CCDC32: variants seen among roughly 807,000 people sequenced by gnomAD.
CCDC32 encodes the protein coiled-coil domain containing 32.
CCDC32 carries 9 observed loss-of-function variants against 20.1 expected under a neutral mutation model. The observed-to-expected ratio is 0.45, with a 90% CI of 0.27 to 0.78. CCDC32 has a LOEUF of 0.78. CCDC32 is among the 30% of genes least tolerant of loss of function. The probability of loss-of-function intolerance (pLI) is 0.16; values close to 1 mark genes in which losing one functional copy is unlikely to be tolerated. For missense variants in CCDC32, 204 were observed against 215.5 expected, an observed-to-expected ratio of 0.95 and a Z score of 0.33; for synonymous variants, 63 against 79.0, an observed-to-expected ratio of 0.80 and a Z score of 1.07.
At chr15:40,557,671 A>C (rs1184970246) in intron 2 of CCDC32, 9 of 252,690 alleles carry the variant, frequency 3.6e-5, no homozygotes, top group Non-Finnish European at 6.1e-5. Context: ...TAAGCCCAGC[A>C]GGTATCTCTC....
downstream of CCDC32, among the ~76,000 whole-genome samples, chr15:40,548,416 A>C (rs1050576127): frequency 6.6e-6 from 1 of 152,212 alleles, no homozygotes; most frequent in Non-Finnish European, 1.5e-5. Context: ...TAAAATACTT[A>C]AAAATTAGCT....
the CCDC32 span, among the ~76,000 whole-genome samples, chr15:40,523,001 A>G: frequency 6.6e-6 from 1 of 151,082 alleles, no homozygotes; most frequent in Non-Finnish European, 1.5e-5. Context: ...TAATTTTTGT[A>G]TTTTTAGTAG....
intron 2 of CCDC32, among the ~76,000 whole-genome samples, chr15:40,559,339 C>A (rs75881058): frequency 1.3e-5 from 2 of 152,188 alleles, no homozygotes; most frequent in Admixed American, 6.5e-5. Context: ...CCTCCCACAT[C>A]GGCCTCTCAG....
At chr15:40,557,560 T>A in intron 2 of CCDC32, 188 bp from the exon 3 acceptor site, 1 of 543,126 alleles carries the variant, frequency 1.8e-6, no homozygotes, top group Non-Finnish European at 3.2e-6. Flanking sequence ...CTTCACAAAG[T>A]CCTCACCCTG....
chr15:40,538,952 A>G (rs2141607574), downstream of CCDC32: 2 of 448,500 alleles, frequency 4.5e-6, no homozygotes, highest in African/African-American at 2.0e-5. Flanking sequence ...TGCTTGCCAC[A>G]GGTGGGCTCA....
rs748729377 is a variant in CCDC32, at chr15:40,557,247, A to G, written c.370T>C (p.Phe124Leu). 1 of 1,613,824 alleles carries G rather than the reference A, an allele frequency of 6.2e-7. No homozygotes were observed. Among genetic ancestry groups the G allele is most frequent in the Non-Finnish European group, 8.5e-7 (1 of 1,179,934 alleles). ...RFLQEKLASE[F>L]FVDGLDSDES... is the part of the protein sequence containing the mutation. ...TCAGAATCAAGTCCATCCACAAAGA[A>G]CTCTGAAGCTAACTTCTCCTGGAGG... The change falls in exon 3 of 4, where the codon TTC (phenylalanine) becomes CTC (leucine). Residue 124 changes from phenylalanine to leucine, a missense_variant. By Grantham distance (22) the Phe-to-Leu change is conservative. Coordinates refer to ENST00000416810, the MANE Select transcript of CCDC32 (RefSeq NM_001080792.4).
chr15:40,530,291 CAAAAAAAAA>C (rs3068017), downstream of CCDC32, among the ~76,000 whole-genome samples: 2 of 99,562 alleles, frequency 2.0e-5, no homozygotes, highest in Non-Finnish European at 3.9e-5. Flanking sequence ...AACTACATCT[CAAAAAAAAA>C]AAAAAAAAAA....
chr15:40,551,059 G>A (rs890130028), downstream of CCDC32, among the ~76,000 whole-genome samples: 1 of 152,108 alleles, frequency 6.6e-6, no homozygotes, highest in South Asian at 2.1e-4. Flanking sequence ...CATGCAGGGA[G>A]AATAAAAATT....
chr15:40,533,537 A>T (rs4924480), downstream of CCDC32, among the ~76,000 whole-genome samples: 2 of 151,444 alleles, frequency 1.3e-5, no homozygotes, highest in East Asian at 3.9e-4. Context: ...GTAGAGACGG[A>T]GTTTCACCAT....
At chr15:40,527,379 C>T (rs1894912653), downstream of CCDC32, among the ~76,000 whole-genome samples, 2 of 152,164 alleles carry the variant, frequency 1.3e-5, no homozygotes, top group African/African-American at 2.4e-5. Flanking sequence ...CCATGTTGCC[C>T]AGGCTGATCT....
At chr15:40,563,527 A>G (rs1391446686) in intron 1 of CCDC32, among the ~76,000 whole-genome samples, 3 of 152,176 alleles carry the variant, frequency 2.0e-5, no homozygotes, top group Non-Finnish European at 4.4e-5. Flanking sequence ...AGAATGGGGA[A>G]TTACTGTTTA....
At chr15:40,541,401 C>T (rs539032068) in intron 3 of CCDC32, among the ~76,000 whole-genome samples, 8 of 151,656 alleles carry the variant, frequency 5.3e-5, no homozygotes, top group East Asian at 3.9e-4. Context: ...GGCTCCATCT[C>T]GGCTCACTGC....
chr15:40,554,437 A>G (rs1188183836), intron 3 of CCDC32, among the ~76,000 whole-genome samples: 1 of 147,670 alleles, frequency 6.8e-6, no homozygotes, highest in African/African-American at 2.5e-5. Context: ...TAAAGACCTA[A>G]AGATAGGTCT....
At chr15:40,557,483 A>G in intron 2 of CCDC32, 111 bp from the exon 3 acceptor site, 1 of 1,043,652 alleles carries the variant, frequency 9.6e-7, no homozygotes, top group Admixed American at 3.0e-5. Flanking sequence ...GAGGACATCC[A>G]CACTCCCTGC....
downstream of CCDC32, among the ~76,000 whole-genome samples, chr15:40,551,458 G>A (rs1425950416): frequency 1.3e-5 from 2 of 152,014 alleles, no homozygotes; most frequent in Admixed American, 1.3e-4. Flanking sequence ...ACTCCAGGTG[G>A]AGATGGCAGC....
chr15:40,548,811 C>T (rs985404284), downstream of CCDC32, among the ~76,000 whole-genome samples: 2 of 152,036 alleles, frequency 1.3e-5, no homozygotes, highest in Non-Finnish European at 2.9e-5. Context: ...TTATGCTGTA[C>T]TCTATTAGCA....
At chr15:40,542,373 T>A (rs1411830541) in intron 3 of CCDC32, among the ~76,000 whole-genome samples, 1 of 152,164 alleles carries the variant, frequency 6.6e-6, no homozygotes, top group Non-Finnish European at 1.5e-5. Context: ...TGGAAAACAA[T>A]CTTATTGTCT....
intron 2 of CCDC32, among the ~76,000 whole-genome samples, chr15:40,561,457 A>C (rs1181902965): frequency 6.6e-6 from 1 of 151,604 alleles, no homozygotes; most frequent in Non-Finnish European, 1.5e-5. Context: ...TGGGCAACAG[A>C]ATGAGACTCC....
At chr15:40,546,993 G>A (rs1287391827) in intron 3 of CCDC32, among the ~76,000 whole-genome samples, 1 of 152,146 alleles carries the variant, frequency 6.6e-6, no homozygotes. Flanking sequence ...GTGAGCCATA[G>A]CGCCTGACCT....
Sources: gnomAD v4.1 joint callset for allele counts (sites outside exome capture counted in the v4.1 genomes callset) on GRCh38, gnomAD v4.1.1 for gene constraint, MANE v1.5 for transcripts, NCBI Gene and HGNC (gene_info 2026-07-23, HGNC 2026-07-21) for gene names.